Variants in KCNAB3 observed in about 807,000 individuals in gnomAD.
KCNAB3 encodes voltage-gated potassium channel subunit beta-3.
KCNAB3 carries 62 observed loss-of-function variants against 67.7 expected under a neutral mutation model. The ratio of observed to expected loss-of-function variants is 0.92; its 90% CI spans 0.75 to 1.13. The LOEUF is 1.13. Among genes scored for constraint, KCNAB3 ranks in the 50% most tolerant of loss-of-function variants. The pLI is 0.00. For synonymous variants in KCNAB3, 212 were observed against 205.4 expected, an observed-to-expected ratio of 1.03 and a Z score of -0.27; for missense variants, 514 against 522.9, an observed-to-expected ratio of 0.98 and a Z score of 0.17.
rs752582782 is a variant in KCNAB3 at position 7,923,104 on chromosome 17, A to G, written c.1213T>C (p.Ter405GlnextTer38). The G allele has an allele frequency of 1.9e-6, 3 of 1,613,896 alleles. No homozygotes were observed. The highest frequency in any genetic ancestry group is 2.5e-6 in the Non-Finnish European group (3 of 1,179,972). ...TGGGTCCCTGCGCCCGCGACAGACTACTTCTTGGAATGCGGCTTGTTTCCC... is the reference window on the plus strand; with the variant it reads ...TGGGTCCCTGCGCCCGCGACAGACTGCTTCTTGGAATGCGGCTTGTTTCCC... ...LLGNKPHSKK[*>Q] Residue 405 changes from the stop codon to glutamine, a stop_lost, in exon 14 of 14, where the codon TAG becomes CAG. Coordinates refer to ENST00000303790, the MANE Select transcript of KCNAB3 (RefSeq NM_004732.4).
chr17:7,923,252 C>T, intron 13 of KCNAB3, 73 bp from the exon 14 acceptor site: 1 of 1,476,054 alleles, frequency 6.8e-7, no homozygotes, highest in Non-Finnish European at 9.5e-7. Flanking sequence ...GTTCCAGTAG[C>T]CGGGGAAGCA....
chr17:7,923,256 G>A, intron 13 of KCNAB3, 77 bp from the exon 14 acceptor site: 2 of 1,459,686 alleles, frequency 1.4e-6, no homozygotes, highest in South Asian at 1.1e-5. Context: ...CAGTAGCCGG[G>A]GAAGCACCAC....
chr17:7,927,252 C>T, intron 4 of KCNAB3, 92 bp downstream of exon 4: 3 of 1,224,178 alleles, frequency 2.5e-6, no homozygotes, highest in South Asian at 2.4e-5. Flanking sequence ...TCTCAGAAGT[C>T]CCAGGGTTCT....
chr17:7,928,990 T>G, intron 1 of KCNAB3: 1 of 797,320 alleles, frequency 1.3e-6, no homozygotes, highest in Non-Finnish European at 1.9e-6. Flanking sequence ...CAGTCAACCT[T>G]GGTAAACTTG....
chr17:7,923,831 C>A lies in KCNAB3; in HGVS notation c.928G>T (p.Gly310Cys), dbSNP rs1252593618. Residue 310 changes from glycine to cysteine, a missense_variant and splice_region_variant, in exon 12 of 14, where the codon GGC becomes TGC. Transcript: ENST00000303790. ...VPDTCRASIK[G>C]YQWLKDKVQS... ...ACTTTGTCCTTGAGCCACTGGTAGC[C>A]CTGGAGGCCAAGAAGAATCAACAGA... 1.3e-6 allele frequency: 2 copies of A among 1,572,236 alleles called. No individual in the cohort carries two copies. Among genetic ancestry groups the A allele is most frequent in the African/African-American group, 1.3e-5 (1 of 74,130 alleles).
rs767727099 is a variant in KCNAB3 at position 7,929,325 on chromosome 17, G to A, written c.111C>T (p.Gly37=). ...CCCCCGGAGGATTCCCGTGCCCCCC[G>A]CCGGCCGGCCCACCATTACCGCCCC... is the stretch of plus-strand genomic sequence containing the variant. ...GPGGGNGGPA[G]GGHGNPPGGG... The change falls in exon 1 of 14, where the codon GGC becomes GGT. Residue 37 remains glycine (G), a synonymous_variant. Coordinates refer to ENST00000303790, the MANE Select transcript of KCNAB3 (RefSeq NM_004732.4). The surrounding 1 kb of genome is among the most constrained non-coding windows in gnomAD (Gnocchi z 5.7). 1.3e-6 allele frequency: 2 copies of A among 1,551,502 alleles called. No homozygotes were observed. Among genetic ancestry groups the A allele is most frequent in the South Asian group, 1.2e-5 (1 of 84,440 alleles).
At position 7,923,021 on chromosome 17, in the gene KCNAB3, CGGAGCGGGAGAGGCGGCTGCGA is replaced by C; in HGVS notation, c.*59_*80del. 1 of 1,369,094 alleles carries C rather than the reference CGGAGCGGGAGAGGCGGCTGCGA, an allele frequency of 7.3e-7. No homozygotes were observed. Among genetic ancestry groups the C allele is most frequent in the South Asian group, 1.2e-5 (1 of 85,642 alleles). The allele number at this position is 1,369,094 out of a possible 1,614,324, so 84.8% of individuals were successfully genotyped here. On this transcript the variant is annotated 3_prime_UTR_variant, in exon 14 of 14. Coordinates refer to ENST00000303790, the MANE Select transcript of KCNAB3 (RefSeq NM_004732.4). ...GCTCCGGCCGCTGCGTGGAGGGATC[CGGAGCGGGAGAGGCGGCTGCGA>C]GGAGCGGGGCTCGGGCGGGTGCAGC... is the stretch of plus-strand genomic sequence containing the variant.
rs1972333518 is a variant in KCNAB3 at position 7,929,038 on chromosome 17, G to A, written c.242+156C>T. ...AGGGGTATCGACAGAAACCAAGAGAGGGACAAAGTGAGGGAGTGCCAGAGA... is the reference window on the plus strand; with the variant it reads ...AGGGGTATCGACAGAAACCAAGAGAAGGACAAAGTGAGGGAGTGCCAGAGA... On this transcript the variant is annotated intron_variant, in intron 1 of 13. Transcript: ENST00000303790. This position sits in a 1 kb window ranked among gnomAD's most constrained non-coding sequence, Gnocchi z 5.7. The A allele has an allele frequency of 1.7e-5, 21 of 1,201,304 alleles. No homozygotes were observed. Among genetic ancestry groups the A allele is most frequent in the Non-Finnish European group, 2.2e-5 (19 of 873,786 alleles). The allele number at this position is 1,201,304 out of a possible 1,614,324, so 74.4% of individuals were successfully genotyped here.
At position 7,929,475 on chromosome 17, in the gene KCNAB3, G is replaced by A; in HGVS notation, c.-40C>T. 3 of 1,535,114 alleles carry A rather than the reference G, an allele frequency of 2.0e-6. No individual in the cohort carries two copies. The highest frequency in any genetic ancestry group is 2.5e-5 in the East Asian group (1 of 40,652). ...GCGGGGGAGGGGGCTCCGAGGGGAC[G>A]GGAGGGGGGAGCAGGGAAGCCCGAG... On this transcript the variant is annotated 5_prime_UTR_variant, in exon 1 of 14. Coordinates refer to ENST00000303790, the MANE Select transcript of KCNAB3 (RefSeq NM_004732.4). The surrounding 1 kb of genome is among the most constrained non-coding windows in gnomAD (Gnocchi z 5.7).
In KCNAB3 at chr17:7,923,108, C is replaced by T; in HGVS notation, c.1209G>A (p.Lys403=). 2 of 1,614,166 alleles carry T rather than the reference C, an allele frequency of 1.2e-6. No individual in the cohort carries two copies. The highest frequency in any genetic ancestry group is 1.7e-6 in the Non-Finnish European group (2 of 1,180,012). ...DGLLGNKPHS[K]K ...TCCCTGCGCCCGCGACAGACTACTT[C>T]TTGGAATGCGGCTTGTTTCCCAGGA... The change falls in exon 14 of 14, where the codon AAG becomes AAA. Residue 403 remains lysine, a synonymous_variant. Transcript: ENST00000303790.
At chr17:7,927,847 G>A (rs540426650) in intron 1 of KCNAB3, 21 bp from the exon 2 acceptor site, 27 of 1,613,624 alleles carry the variant, frequency 1.7e-5, no homozygotes, top group South Asian at 1.4e-4. Flanking sequence ...CAGAAGCAGC[G>A]GGAAGGGGTG....
At position 7,929,410 on chromosome 17, in the gene KCNAB3, T is replaced by TCGGTACA; in HGVS notation, c.19_25dup (p.Glu9ValfsTer12). ...ACTGCTCCGGCTGCGAAGGTTCTGC[T>TCGGTACA]CGGTACACGCGATAGACACCTGCAT... On this transcript the variant is annotated frameshift_variant, in exon 1 of 14. Transcript: ENST00000303790. LOFTEE classifies it high-confidence loss of function. The surrounding 1 kb of genome is among the most constrained non-coding windows in gnomAD (Gnocchi z 5.7). The TCGGTACA allele has an allele frequency of 1.3e-6, 2 of 1,547,504 alleles. No individual in the cohort carries two copies. The highest frequency in any genetic ancestry group is 4.9e-5 in the East Asian group (2 of 40,810).
At chr17:7,925,792 C>G in intron 6 of KCNAB3, 66 bp from the exon 7 acceptor site, 1 of 1,607,724 alleles carries the variant, frequency 6.2e-7, no homozygotes, top group East Asian at 2.2e-5. Context: ...GGCTTGGAGC[C>G]ATAAGGAAAT....
Position 7,923,162 on chromosome 17 carries a change from G to C in KCNAB3, c.1155C>G (p.Thr385=), listed in dbSNP as rs1454567203. 1.2e-6 allele frequency: 2 copies of C among 1,614,082 alleles called. No individual in the cohort carries two copies. The highest frequency in any genetic ancestry group is 1.7e-5 in the Admixed American group (1 of 60,012). The part of the protein sequence containing the change: ...LGALQVLSQL[T]PQTVMEIDGL... Reference sequence around the variant, plus strand: ...CGTCTATTTCCATCACTGTCTGCGGGGTCAGCTGGCTCAGCACCTGGAGGA... The same window carrying C: ...CGTCTATTTCCATCACTGTCTGCGGCGTCAGCTGGCTCAGCACCTGGAGGA... Residue 385 remains threonine (T), a synonymous_variant, in exon 14 of 14, where the codon ACC becomes ACG. Coordinates refer to ENST00000303790, the MANE Select transcript of KCNAB3 (RefSeq NM_004732.4).
At chr17:7,923,588 G>T in intron 12 of KCNAB3, 44 bp from the exon 13 acceptor site, 2 of 1,564,336 alleles carry the variant, frequency 1.3e-6, no homozygotes, top group South Asian at 2.3e-5. Context: ...GGGGAACAGT[G>T]ACCACATAGA....
chr17:7,923,488 C>A lies in KCNAB3; in HGVS notation c.1105G>T (p.Glu369Ter). Residue 369 changes from glutamate (E) to a stop codon, truncating the protein, a stop_gained, in exon 13 of 14, where the codon GAG (glutamate) becomes TAG (stop). Transcript: ENST00000303790. LOFTEE classifies it high-confidence loss of function. ...GCGCCCAGGTGTTCTATCAACTGCT[C>A]CGCACTCGACACCCCCAGCAAGACA... is the stretch of plus-strand genomic sequence containing the variant. ...SSVLLGVSSAEQLIEHLGALQ... is the reference protein window; with the variant it reads ...SSVLLGVSSA The A allele has an allele frequency of 6.2e-7, 1 of 1,612,544 alleles. No individual in the cohort carries two copies. Among genetic ancestry groups the A allele is most frequent in the East Asian group, 2.2e-5 (1 of 44,730 alleles).
rs1397318551 is a variant in KCNAB3 at position 7,923,074 on chromosome 17, C to T, written c.*28G>A. On this transcript the variant is annotated 3_prime_UTR_variant, in exon 14 of 14. Coordinates refer to ENST00000303790, the MANE Select transcript of KCNAB3 (RefSeq NM_004732.4). The stretch of plus-strand genomic sequence containing the variant: ...GGGGCTCGGGCGGGTGCAGCGACAC[C>T]GGGTTGGGTCCCTGCGCCCGCGACA... 14 of 1,607,144 alleles carry T rather than the reference C, an allele frequency of 8.7e-6. No homozygotes were observed. The highest frequency in any genetic ancestry group is 5.4e-5 in the African/African-American group (4 of 74,752).
chr17:7,927,936 C>A, intron 1 of KCNAB3, 110 bp from the exon 2 acceptor site: 3 of 1,337,304 alleles, frequency 2.2e-6, no homozygotes, highest in Non-Finnish European at 3.2e-6. Context: ...TGTCTCAGTC[C>A]AAAGAAATTA....
chr17:7,927,869 A>T, intron 1 of KCNAB3, 43 bp from the exon 2 acceptor site: 2 of 1,611,074 alleles, frequency 1.2e-6, no homozygotes. Flanking sequence ...AGCCTCCATT[A>T]TGGACTTAGA....
Sources: allele counts gnomAD v4.1 joint callset, GRCh38; gene constraint gnomAD v4.1.1; non-coding constraint Gnocchi (gnomAD v3.1); transcripts MANE v1.5; gene names NCBI Gene and HGNC (gene_info 2026-07-23, HGNC 2026-07-21).